Variants in UBTF observed in about 807,000 individuals in gnomAD.
UBTF encodes the protein upstream binding transcription factor, also known as nucleolar transcription factor 1.
Under a neutral mutation model 112.3 loss-of-function variants are expected in UBTF, and 8 were observed. That is an observed-to-expected ratio of 0.07 (90% CI 0.04 to 0.13). The LOEUF (loss-of-function observed/expected upper bound fraction) is 0.13. Ranked by LOEUF, UBTF falls within the 10% of genes least tolerant of loss-of-function variation. UBTF has a pLI of 1.00. For missense variants in UBTF, 457 were observed against 982.1 expected (o/e 0.47, Z 7.15); for synonymous variants, 417 against 373.1 (o/e 1.12, Z -1.36).
At position 44,206,950 on chromosome 17, in the gene UBTF, G is replaced by A. The variant is rs895949646; in HGVS notation, c.*292C>T. Reference sequence around the variant, plus strand: ...CCGGTCCATTGTCCATGCCGGAACCGCAAGTGCAGAAGTGGGTGGGGTGGG... The same window carrying A: ...CCGGTCCATTGTCCATGCCGGAACCACAAGTGCAGAAGTGGGTGGGGTGGG... On this transcript the variant is annotated 3_prime_UTR_variant, in exon 21 of 21. Transcript: ENST00000436088. 2.0e-4 allele frequency: 100 copies of A among 496,670 alleles called. No homozygotes were observed. The highest frequency in any genetic ancestry group is 2.6e-4 in the Non-Finnish European group (75 of 283,070). 30.8% of individuals were successfully genotyped at this position (496,670 alleles called of 1,614,324 possible). A position where few individuals can be genotyped will look rare whatever the true frequency, so the allele number is the denominator to read the frequency against.
chr17:44,208,092 ATTTTTTTTTTTTTTT>A lies in UBTF; in HGVS notation c.1906-196_1906-182del, dbSNP rs57107684. 1.8e-3 allele frequency among the ~76,000 whole-genome samples: 214 copies of A among 118,006 alleles called. 1 individual carries two copies. Among genetic ancestry groups the A allele is most frequent in the African/African-American group, 6.6e-3 (200 of 30,514 alleles). 77.4% of individuals were successfully genotyped at this position (118,006 alleles called of 152,430 possible). Reference sequence around the variant, plus strand: ...CCTGGGATCTGAGAACACAGCTCTAATTTTTTTTTTTTTTTTTTTTTTTTTTTTGAAACAGGGTCT... The same window carrying A: ...CCTGGGATCTGAGAACACAGCTCTAATTTTTTTTTTTTTGAAACAGGGTCT... On this transcript the variant is annotated intron_variant, in intron 17 of 20. Transcript: ENST00000436088.
At chr17:44,214,218 A>G (rs997601462) in intron 5 of UBTF, among the ~76,000 whole-genome samples, 4 of 152,234 alleles carry the variant, frequency 2.6e-5, no homozygotes, top group Non-Finnish European at 5.9e-5. Flanking sequence ...AGCACCAGGC[A>G]TAGAAAGGCA....
chr17:44,207,967 C>A, intron 17 of UBTF, 56 bp from the exon 18 acceptor site: 13 of 1,610,076 alleles, frequency 8.1e-6, no homozygotes, highest in Non-Finnish European at 1.1e-5. Context: ...GCTGACTGAG[C>A]ATGCTGGCCC....
At chr17:44,212,213 A>C (rs1407704531) in intron 8 of UBTF, 131 bp downstream of exon 8, 13 of 677,158 alleles carry the variant, frequency 1.9e-5, no homozygotes, top group Non-Finnish European at 3.1e-5. Flanking sequence ...GGCAGAGGTG[A>C]GGGGCCCAGA....
intron 17 of UBTF, among the ~76,000 whole-genome samples, chr17:44,208,154 G>C (rs1426242926): frequency 6.9e-6 from 1 of 145,006 alleles, no homozygotes; most frequent in Non-Finnish European, 1.5e-5. Context: ...CCAGGCTGGA[G>C]TGCAGTGGCA....
intron 5 of UBTF, among the ~76,000 whole-genome samples, chr17:44,213,653 G>C (rs2144544210): frequency 6.6e-6 from 1 of 152,290 alleles, no homozygotes; most frequent in African/African-American, 2.4e-5. Context: ...GTCGGGTGCA[G>C]GCCTTGCTCC....
chr17:44,208,006 A>AT (rs2056377903), intron 17 of UBTF, 95 bp from the exon 18 acceptor site: 1 of 1,509,802 alleles, frequency 6.6e-7, no homozygotes, highest in African/African-American at 1.4e-5. Flanking sequence ...GAGCATTTAT[A>AT]TATCATCACC....
At chr17:44,218,045 C>T (rs1337223369) in intron 2 of UBTF, 127 bp downstream of exon 2, 2 of 975,622 alleles carry the variant, frequency 2.0e-6, no homozygotes, top group Non-Finnish European at 1.6e-6. Flanking sequence ...TTCATAAATA[C>T]TCAAGGCACT....
At position 44,206,308 on chromosome 17, in the gene UBTF, G is replaced by A. The variant is rs775534610; in HGVS notation, c.*934C>T. On this transcript the variant is annotated 3_prime_UTR_variant, in exon 21 of 21. Transcript: ENST00000436088. ...GGGCAAAACAGAGGATGTGGAGAAC[G>A]GGGCAGCCTCAGCCTGCTCCCACCA... The A allele has an allele frequency of 6.6e-6, 1 of 151,658 alleles. No homozygotes were observed. The highest frequency in any genetic ancestry group is 1.5e-5 in the Non-Finnish European group (1 of 67,936). 9.4% of individuals were successfully genotyped at this position (151,658 alleles called of 1,614,324 possible).
At chr17:44,219,849 C>T (rs1190602017), upstream of UBTF, 1 of 150,456 alleles carries the variant, frequency 6.6e-6, no homozygotes, top group African/African-American at 2.4e-5. Flanking sequence ...GCGCGTCCTT[C>T]CCCGTAGAGC....
intron 15 of UBTF, 131 bp from the exon 16 acceptor site, chr17:44,209,864 T>C: frequency 2.0e-6 from 2 of 990,228 alleles, no homozygotes; most frequent in East Asian, 2.6e-5. Context: ...AGGTAGCTAG[T>C]GAGCAACTTC....
rs900190969 is a variant in UBTF, at chr17:44,206,676, C to T, written c.*566G>A. The T allele has an allele frequency of 6.4e-6, 1 of 156,662 alleles. No homozygotes were observed. Among genetic ancestry groups the T allele is most frequent in the Non-Finnish European group, 1.4e-5 (1 of 71,314 alleles). 9.7% of individuals were successfully genotyped at this position (156,662 alleles called of 1,614,324 possible). A position where few individuals can be genotyped will look rare whatever the true frequency, so the allele number is the denominator to read the frequency against. On this transcript the variant is annotated 3_prime_UTR_variant, in exon 21 of 21. Coordinates refer to ENST00000436088, the MANE Select transcript of UBTF (RefSeq NM_014233.4). ...TAAAAAACACTTCTGCCCCCTCCCC[C>T]ATGAACGGGTCCAGGCAGCTCCTTC... is the stretch of plus-strand genomic sequence containing the variant.
At position 44,207,708 on chromosome 17, in the gene UBTF, C is replaced by T; in HGVS notation, c.2016G>A (p.Gln672=). 1 of 1,614,206 alleles carries T rather than the reference C, an allele frequency of 6.2e-7. No individual in the cohort carries two copies. Among genetic ancestry groups the T allele is most frequent in the Non-Finnish European group, 8.5e-7 (1 of 1,180,040 alleles). The change falls in exon 19 of 21, where the codon CAG becomes CAA. Residue 672 remains glutamine, a synonymous_variant. Coordinates refer to ENST00000436088, the MANE Select transcript of UBTF (RefSeq NM_014233.4). ...PNPKSSRTTL[Q]SKSESEEDDE... ...GGGAGGGGCTCCTTACCGACTTGGA[C>T]TGCAGAGTAGTCCGGCTGGATTTGG...
At chr17:44,213,303 G>A in intron 5 of UBTF, 21 bp from the exon 6 acceptor site, 8 of 1,610,636 alleles carry the variant, frequency 5.0e-6, no homozygotes, top group Non-Finnish European at 6.8e-6. Flanking sequence ...GAGGGGATGG[G>A]GTCACTCAGG....
chr17:44,207,631 G>A (rs1371242895), intron 19 of UBTF, 34 bp from the exon 20 acceptor site: 8 of 1,613,950 alleles, frequency 5.0e-6, no homozygotes, highest in East Asian at 4.5e-5. Flanking sequence ...GTGGTCTCTG[G>A]TCTCTGCCCA....
chr17:44,210,909 C>T lies in UBTF; in HGVS notation c.1242G>A (p.Met414Ile). The change falls in exon 13 of 21, where the codon ATG becomes ATA. Residue 414 changes from methionine to isoleucine, a missense_variant. Physicochemically the swap from Met to Ile is conservative, Grantham distance 10. Coordinates refer to ENST00000436088, the MANE Select transcript of UBTF (RefSeq NM_014233.4). ...GCCGTTTCTCCTCCGAGAAGATGAA[C>T]ATGGCCGACACGGGCCGCTTGGGCT... ...SEKPKRPVSA[M>I]FIFSEEKRRQ... The T allele has an allele frequency of 6.2e-7, 1 of 1,607,028 alleles. No individual in the cohort carries two copies. The highest frequency in any genetic ancestry group is 8.5e-7 in the Non-Finnish European group (1 of 1,177,898).
At position 44,213,231 on chromosome 17, in the gene UBTF, G is replaced by A; in HGVS notation, c.526C>T (p.Leu176=). 1 of 1,613,880 alleles carries A rather than the reference G, an allele frequency of 6.2e-7. No homozygotes were observed. Among genetic ancestry groups the A allele is most frequent in the Non-Finnish European group, 8.5e-7 (1 of 1,179,862 alleles). Residue 176 remains leucine, a synonymous_variant, in exon 6 of 21, where the codon CTG becomes TTG. Coordinates refer to ENST00000436088, the MANE Select transcript of UBTF (RefSeq NM_014233.4). ...CCACTGCCTTACCTGAATCGGGCCA[G>A]GTTTCGCTCGAACTCCTGTTTCTCT... ...QREKQEFERN[L]ARFREDHPDL...
chr17:44,218,800 G>GC (rs1338106819), intron 1 of UBTF, among the ~76,000 whole-genome samples: 5 of 150,376 alleles, frequency 3.3e-5, no homozygotes, highest in Admixed American at 6.6e-5. Flanking sequence ...ACGCAGCGCA[G>GC]CCGCCGCCAG....
In UBTF at chr17:44,210,432, C is replaced by T. The variant is rs764955317; in HGVS notation, c.1401G>A (p.Ser467=). ...CGCGCTCCCCGCCGGGCTTCCTCTC[C>T]GACTGAGCCTTGAGCGCCGCCTCTC... The part of the protein sequence containing the change: ...KAREAALKAQ[S]ERKPGGEREE... The change falls in exon 14 of 21, where the codon TCG becomes TCA. Residue 467 remains serine (S), a synonymous_variant. Coordinates refer to ENST00000436088, the MANE Select transcript of UBTF (RefSeq NM_014233.4). 7 of 1,613,736 alleles carry T rather than the reference C, an allele frequency of 4.3e-6. No homozygotes were observed. Among genetic ancestry groups the T allele is most frequent in the African/African-American group, 1.3e-5 (1 of 74,952 alleles).
Sources: gnomAD v4.1 joint callset for allele counts (sites outside exome capture counted in the v4.1 genomes callset) on GRCh38, gnomAD v4.1.1 for gene constraint, MANE v1.5 for transcripts, NCBI Gene and HGNC (gene_info 2026-07-23, HGNC 2026-07-21) for gene names.